LRMDA: variants seen among roughly 807,000 people sequenced by gnomAD.
The protein encoded by LRMDA is leucine-rich melanocyte differentiation-associated protein.
Under a neutral mutation model 29.8 loss-of-function variants are expected in LRMDA, and 18 were observed. That is an observed-to-expected ratio of 0.60 (90% CI 0.42 to 0.90). The LOEUF (loss-of-function observed/expected upper bound fraction) is 0.90, where lower values mean the gene tolerates loss of function less well. Ranked by LOEUF, LRMDA falls within the 40% of genes least tolerant of loss-of-function variation. The pLI is 0.00. For missense variants in LRMDA, 273 were observed against 273.9 expected, an observed-to-expected ratio of 1.00 and a Z score of 0.02; for synonymous variants, 125 against 109.4, an observed-to-expected ratio of 1.14 and a Z score of -0.89.
chr10:76,237,879 C>T (rs1216091873), intron 5 of LRMDA, among the ~76,000 whole-genome samples: 2 of 147,752 alleles, frequency 1.4e-5, no homozygotes, highest in Non-Finnish European at 3.0e-5. Context: ...GCAACCTCTG[C>T]CCCTGGGTTC....
chr10:76,269,880 A>C (rs1840046798), intron 5 of LRMDA, among the ~76,000 whole-genome samples: 1 of 152,178 alleles, frequency 6.6e-6, no homozygotes, highest in African/African-American at 2.4e-5. Flanking sequence ...CTAGGACTAG[A>C]TGTTGTATTG....
chr10:75,626,081 C>T (rs761418749), intron 2 of LRMDA, among the ~76,000 whole-genome samples: 1 of 151,636 alleles, frequency 6.6e-6, no homozygotes. Flanking sequence ...AAGCTGTTCT[C>T]GAACTCCTGG....
intron 5 of LRMDA, among the ~76,000 whole-genome samples, chr10:76,178,321 T>G (rs1299166027): frequency 1.2e-4 from 18 of 152,224 alleles, no homozygotes; most frequent in Admixed American, 1.2e-3. Context: ...GAAAGGCTTC[T>G]TGGTGCAAAT....
At chr10:75,519,371 C>T (rs999981812) in intron 2 of LRMDA, among the ~76,000 whole-genome samples, 1 of 150,462 alleles carries the variant, frequency 6.6e-6, no homozygotes, top group Non-Finnish European at 1.5e-5. Context: ...TGCTTTATGA[C>T]TCTGGGTGCA....
intron 3 of LRMDA, among the ~76,000 whole-genome samples, chr10:76,041,684 C>T (rs1848342793): frequency 6.6e-6 from 1 of 152,148 alleles, no homozygotes; most frequent in South Asian, 2.1e-4. Flanking sequence ...CCCTCATGCT[C>T]CAAACTTTCA....
rs115344446 is a variant in LRMDA, at chr10:75,484,634, G to A, written c.131+46140G>A. ...ATTTGGAGATGAGGCCTTTAGGAAG[G>A]TAATTAAGGTTAAATGAGGTCACAA... On this transcript the variant is annotated intron_variant, in intron 2 of 6. Coordinates refer to ENST00000611255, the MANE Select transcript of LRMDA (RefSeq NM_001305581.2). 3.3e-3 allele frequency among the ~76,000 whole-genome samples: 509 copies of A among 152,282 alleles called. 2 individuals are homozygous for A. Among genetic ancestry groups the A allele is most frequent in the African/African-American group, 0.012 (484 of 41,544 alleles).
At chr10:75,922,660 ACT>A (rs1000490024) in intron 2 of LRMDA, among the ~76,000 whole-genome samples, 4 of 152,132 alleles carry the variant, frequency 2.6e-5, no homozygotes, top group Admixed American at 2.0e-4. Context: ...GGCATAACTC[ACT>A]GACTGCAGGA....
intron 2 of LRMDA, among the ~76,000 whole-genome samples, chr10:75,607,349 A>C (rs759309268): frequency 5.9e-5 from 9 of 152,362 alleles, no homozygotes; most frequent in Admixed American, 1.3e-4. Flanking sequence ...CGAATGAATA[A>C]AATTGACCTA....
At chr10:75,502,461 T>C (rs770631942) in intron 2 of LRMDA, among the ~76,000 whole-genome samples, 12 of 152,054 alleles carry the variant, frequency 7.9e-5, no homozygotes, top group Non-Finnish European at 1.6e-4. Flanking sequence ...GTTGAATTAA[T>C]GGGGCCAATC....
chr10:76,086,800 G>T (rs1849143544), intron 5 of LRMDA, among the ~76,000 whole-genome samples: 1 of 152,176 alleles, frequency 6.6e-6, no homozygotes. Flanking sequence ...CCAGCCAAAG[G>T]AAGTCAGGCA....
chr10:75,872,068 C>G (rs183938153), intron 2 of LRMDA, among the ~76,000 whole-genome samples: 1 of 152,224 alleles, frequency 6.6e-6, no homozygotes, highest in Non-Finnish European at 1.5e-5. Context: ...CACCCCATCT[C>G]TACCACTGTA....
chr10:76,283,720 G>A (rs1182199059), intron 5 of LRMDA, among the ~76,000 whole-genome samples: 1 of 152,182 alleles, frequency 6.6e-6, no homozygotes, highest in Non-Finnish European at 1.5e-5. Context: ...GTTCAGAGAG[G>A]TTAAGTAATT....
At position 75,547,326 on chromosome 10, in the gene LRMDA, T is replaced by A. The variant is rs150586550; in HGVS notation, c.131+108832T>A. On this transcript the variant is annotated intron_variant, in intron 2 of 6. Coordinates refer to ENST00000611255, the MANE Select transcript of LRMDA (RefSeq NM_001305581.2). ...TAAGGAGGAGAAGACCAGGCCTATG[T>A]GGGAGAAATGTCTTGGGAAGCTGGT... 2.0e-5 allele frequency among the ~76,000 whole-genome samples: 3 copies of A among 152,330 alleles called. No individual in the cohort carries two copies. The East Asian group carries it at 5.8e-4, about 29-fold the overall frequency.
At chr10:75,538,179 G>A (rs1158350935) in intron 2 of LRMDA, among the ~76,000 whole-genome samples, 4 of 152,096 alleles carry the variant, frequency 2.6e-5, no homozygotes, top group Non-Finnish European at 5.9e-5. Context: ...TACTGATGAG[G>A]CCGCTGCATC....
intron 2 of LRMDA, among the ~76,000 whole-genome samples, chr10:75,518,859 A>T (rs940979461): frequency 1.3e-5 from 2 of 152,182 alleles, no homozygotes; most frequent in Non-Finnish European, 2.9e-5. Context: ...ATTTCCCTCT[A>T]CACACTGCTT....
At chr10:75,580,531 C>T (rs1403164331) in intron 2 of LRMDA, among the ~76,000 whole-genome samples, 2 of 152,126 alleles carry the variant, frequency 1.3e-5, no homozygotes, top group Non-Finnish European at 2.9e-5. Context: ...CCCATCAAGC[C>T]ACCATTAACT....
intron 5 of LRMDA, chr10:76,270,094 A>G (rs1840049072): frequency 6.6e-6 from 1 of 152,250 alleles, no homozygotes; most frequent in Non-Finnish European, 1.5e-5. Flanking sequence ...ACTGGGTATC[A>G]ATACAGCAGT....
At chr10:75,957,629 T>C (rs567154280) in intron 2 of LRMDA, among the ~76,000 whole-genome samples, 2 of 152,256 alleles carry the variant, frequency 1.3e-5, no homozygotes, top group South Asian at 4.2e-4. Flanking sequence ...ACAGGATGAG[T>C]ATTGATAAAA....
chr10:76,484,703 C>T (rs1208016402), intron 6 of LRMDA, among the ~76,000 whole-genome samples: 1 of 151,874 alleles, frequency 6.6e-6, no homozygotes, highest in Non-Finnish European at 1.5e-5. Flanking sequence ...TCTATATAGA[C>T]AATCATGTCA....
Sources: allele counts gnomAD v4.1 joint callset (sites outside exome capture counted in the v4.1 genomes callset), GRCh38; gene constraint gnomAD v4.1.1; transcripts MANE v1.5; gene names NCBI Gene and HGNC (gene_info 2026-07-23, HGNC 2026-07-21).